The following ROR1 variants were observed in gnomAD, a reference collection of about 807,000 sequenced individuals.
The protein encoded by ROR1 is inactive tyrosine-protein kinase transmembrane receptor ROR1.
In ROR1, 19 loss-of-function variants were observed where a neutral mutation model predicts 78.8. That is an observed-to-expected ratio of 0.24 (90% CI 0.17 to 0.35). The LOEUF is 0.35. Ranked by LOEUF, ROR1 falls within the 10% of genes least tolerant of loss-of-function variation. The pLI is 1.00. For missense variants in ROR1, 917 were observed against 1,177.8 expected (o/e 0.78, Z 3.24); for synonymous variants, 386 against 433.6 (o/e 0.89, Z 1.36).
chr1:64,116,909 A>G (rs1648334262), intron 4 of ROR1, among the ~76,000 whole-genome samples: 2 of 152,148 alleles, frequency 1.3e-5, no homozygotes, highest in Non-Finnish European at 2.9e-5. Context: ...ATGGCCTCTC[A>G]TATGAAATAA....
At chr1:63,954,941 C>T (rs1645969162) in intron 1 of ROR1, among the ~76,000 whole-genome samples, 1 of 152,092 alleles carries the variant, frequency 6.6e-6, no homozygotes, top group South Asian at 2.1e-4. Context: ...TAACGAAAAA[C>T]ATGGAAGATA....
At chr1:63,963,005 G>A (rs554778249) in intron 1 of ROR1, among the ~76,000 whole-genome samples, 28 of 152,248 alleles carry the variant, frequency 1.8e-4, no homozygotes, top group Middle Eastern at 3.4e-3. Flanking sequence ...AGAAGTATTA[G>A]GACTTCCTTC....
chr1:63,869,310 A>G (rs1400073421), intron 1 of ROR1, among the ~76,000 whole-genome samples: 1 of 152,188 alleles, frequency 6.6e-6, no homozygotes, highest in Non-Finnish European at 1.5e-5. Context: ...TTGGTCAAAG[A>G]CACGCTGCTC....
At chr1:63,805,735 C>A (rs1456430134) in intron 1 of ROR1, among the ~76,000 whole-genome samples, 1 of 152,170 alleles carries the variant, frequency 6.6e-6, no homozygotes, top group Non-Finnish European at 1.5e-5. Flanking sequence ...TCATTACAGG[C>A]CGGGTACAGT....
At chr1:64,080,384 A>G (rs934513470) in intron 4 of ROR1, among the ~76,000 whole-genome samples, 1 of 152,200 alleles carries the variant, frequency 6.6e-6, no homozygotes, top group African/African-American at 2.4e-5. Context: ...CAAAATGACA[A>G]TAGTGCTGAG....
intron 4 of ROR1, among the ~76,000 whole-genome samples, chr1:64,083,352 A>G (rs1186035883): frequency 6.6e-6 from 1 of 152,220 alleles, no homozygotes; most frequent in Non-Finnish European, 1.5e-5. Flanking sequence ...CTGGCTGGCC[A>G]TCAAGTGATT....
At chr1:63,847,002 C>T (rs1645085727) in intron 1 of ROR1, among the ~76,000 whole-genome samples, 1 of 152,180 alleles carries the variant, frequency 6.6e-6, no homozygotes, top group Non-Finnish European at 1.5e-5. Context: ...TTCCGTGGGC[C>T]TCTGTTGAAC....
intron 1 of ROR1, among the ~76,000 whole-genome samples, chr1:63,807,216 T>C (rs1319328669): frequency 6.6e-6 from 1 of 152,174 alleles, no homozygotes. Context: ...TCTGGGAAAA[T>C]TGCTTTACGG....
intron 1 of ROR1, among the ~76,000 whole-genome samples, chr1:63,958,563 G>A (rs1202523940): frequency 6.6e-6 from 1 of 152,134 alleles, no homozygotes; most frequent in Non-Finnish European, 1.5e-5. Context: ...TTACGTGGTT[G>A]ATCAGTTAGG....
rs570027464 is a variant in ROR1, at chr1:63,868,328, C to T, written c.91+93820C>T. Among the ~76,000 whole-genome samples, 4 of 152,162 alleles carry T rather than the reference C, an allele frequency of 2.6e-5. No individual in the cohort carries two copies. The East Asian group carries it at 5.8e-4, about 22-fold the overall frequency. On this transcript the variant is annotated intron_variant, in intron 1 of 8. Coordinates refer to ENST00000371079, the MANE Select transcript of ROR1 (RefSeq NM_005012.4). ...ATTACTTAAAGCATCAATGAGTGTG[C>T]GATGACTCAGGAATGAGTCGGGTCC...
chr1:63,836,178 T>A (rs1319635900), intron 1 of ROR1, among the ~76,000 whole-genome samples: 1 of 152,200 alleles, frequency 6.6e-6, no homozygotes, highest in Non-Finnish European at 1.5e-5. Context: ...CAACTTGACA[T>A]ACAAAGTCAG....
intron 1 of ROR1, among the ~76,000 whole-genome samples, chr1:63,989,196 G>A (rs113124691): frequency 3.3e-4 from 45 of 137,806 alleles, no homozygotes; most frequent in Admixed American, 6.8e-4. Flanking sequence ...ACTCTTTAGC[G>A]TTGTAATGGC....
chr1:64,100,828 A>T (rs929152136), intron 4 of ROR1, among the ~76,000 whole-genome samples: 3 of 152,122 alleles, frequency 2.0e-5, no homozygotes, highest in Admixed American at 6.5e-5. Flanking sequence ...AAATGCAGAT[A>T]CTCTGGGGTG....
chr1:63,776,901 C>T (rs182176332), intron 1 of ROR1, among the ~76,000 whole-genome samples: 18 of 152,224 alleles, frequency 1.2e-4, no homozygotes, highest in Non-Finnish European at 2.2e-4. Flanking sequence ...GTAGAACTCA[C>T]GTTTACTTTC....
chr1:64,089,043 AT>A (rs1243611064), intron 4 of ROR1, among the ~76,000 whole-genome samples: 1 of 152,042 alleles, frequency 6.6e-6, no homozygotes, highest in African/African-American at 2.4e-5. Context: ...TTGTTATTAA[AT>A]ATTATTATAA....
intron 1 of ROR1, among the ~76,000 whole-genome samples, chr1:63,946,367 G>A (rs908432378): frequency 7.2e-5 from 11 of 152,138 alleles, no homozygotes; most frequent in African/African-American, 2.7e-4. Flanking sequence ...CCCAATGTCT[G>A]TTTAACCAGT....
intron 1 of ROR1, among the ~76,000 whole-genome samples, chr1:63,886,202 G>T (rs1645356179): frequency 6.6e-6 from 1 of 152,150 alleles, no homozygotes; most frequent in African/African-American, 2.4e-5. Context: ...GATGAGGAGT[G>T]GCTATAAATA....
At chr1:64,050,070 C>T (rs1457996926) in intron 3 of ROR1, 92 bp downstream of exon 3, 1 of 1,383,450 alleles carries the variant, frequency 7.2e-7, no homozygotes, top group Non-Finnish European at 1.0e-6. Flanking sequence ...AAGGAATGCA[C>T]ACTTAGTGAG....
chr1:63,886,780 A>AC (rs2100382587), intron 1 of ROR1, among the ~76,000 whole-genome samples: 1 of 152,234 alleles, frequency 6.6e-6, no homozygotes, highest in East Asian at 1.9e-4. Flanking sequence ...TCCATACTCG[A>AC]CCACCCACCT....
Sources: gnomAD v4.1 joint callset for allele counts (sites outside exome capture counted in the v4.1 genomes callset) on GRCh38, gnomAD v4.1.1 for gene constraint, MANE v1.5 for transcripts, NCBI Gene and HGNC (gene_info 2026-07-23, HGNC 2026-07-21) for gene names.